The following ERC2 variants were observed in gnomAD, a reference collection of about 807,000 sequenced individuals.
ERC2 encodes ELKS/RAB6-interacting/CAST family member 2.
In ERC2, 42 loss-of-function variants were observed where a neutral mutation model predicts 114.8. The ratio of observed to expected loss-of-function variants is 0.37; its 90% CI spans 0.29 to 0.47. The LOEUF (loss-of-function observed/expected upper bound fraction) is 0.47, where lower values mean the gene tolerates loss of function less well. Ranked by LOEUF, ERC2 falls within the 20% of genes least tolerant of loss-of-function variation. ERC2 has a pLI of 0.99. For synonymous variants in ERC2, 454 were observed against 425.5 expected (o/e 1.07, Z -0.82); for missense variants, 939 against 1,150.7 (o/e 0.82, Z 2.66).
intron 10 of ERC2, among the ~76,000 whole-genome samples, chr3:56,001,006 T>C (rs2072008795): frequency 6.8e-6 from 1 of 147,250 alleles, no homozygotes; most frequent in Non-Finnish European, 1.5e-5. Context: ...TAGTTCATTA[T>C]ATGAGAAAAT....
intron 3 of ERC2, among the ~76,000 whole-genome samples, chr3:56,263,325 A>G (rs2053070463): frequency 2.6e-5 from 4 of 151,828 alleles, no homozygotes; most frequent in Admixed American, 2.0e-4. Flanking sequence ...AGAGCTTAGC[A>G]GTCTACTTAA....
At chr3:55,820,191 G>T (rs566955058) in intron 14 of ERC2, among the ~76,000 whole-genome samples, 2 of 152,178 alleles carry the variant, frequency 1.3e-5, no homozygotes, top group Admixed American at 6.5e-5. Flanking sequence ...AGTTCCTTCT[G>T]GTTCTTCACA....
intron 17 of ERC2, among the ~76,000 whole-genome samples, chr3:55,563,226 G>A (rs1214356697): frequency 1.3e-5 from 2 of 151,998 alleles, no homozygotes; most frequent in East Asian, 3.9e-4. Flanking sequence ...TTTCTTAGCA[G>A]TAAGTAAGGT....
chr3:56,082,366 T>C (rs2077280318), intron 6 of ERC2, among the ~76,000 whole-genome samples: 1 of 152,128 alleles, frequency 6.6e-6, no homozygotes, highest in African/African-American at 2.4e-5. Flanking sequence ...TTGATTGATC[T>C]CTCATCAGAC....
At chr3:56,103,997 T>A (rs1243068464) in intron 6 of ERC2, among the ~76,000 whole-genome samples, 1 of 152,194 alleles carries the variant, frequency 6.6e-6, no homozygotes, top group Non-Finnish European at 1.5e-5. Context: ...CAATGCACTG[T>A]AAACAACCAG....
intron 4 of ERC2, among the ~76,000 whole-genome samples, chr3:56,154,026 G>T (rs887366639): frequency 6.6e-6 from 1 of 152,094 alleles, no homozygotes; most frequent in Non-Finnish European, 1.5e-5. Flanking sequence ...AATAAAATTT[G>T]AAACTGTTAT....
intron 13 of ERC2, among the ~76,000 whole-genome samples, chr3:55,946,359 C>T (rs150902042): frequency 6.6e-6 from 1 of 152,106 alleles, no homozygotes; most frequent in Non-Finnish European, 1.5e-5. Context: ...CTCCTTATTG[C>T]CCAAAATGTT....
intron 14 of ERC2, among the ~76,000 whole-genome samples, chr3:55,813,351 C>T (rs1415198309): frequency 2.6e-5 from 4 of 152,156 alleles, no homozygotes; most frequent in Non-Finnish European, 4.4e-5. Context: ...TCAGAGGCCA[C>T]GTGGAGCAAG....
At chr3:56,362,492 TG>T (rs1443973256) in intron 2 of ERC2, among the ~76,000 whole-genome samples, 1 of 152,088 alleles carries the variant, frequency 6.6e-6, no homozygotes, top group Non-Finnish European at 1.5e-5. Flanking sequence ...AAACCCATGT[TG>T]GGGAAGGAAA....
At chr3:56,447,780 C>A (rs181909519) in intron 1 of ERC2, among the ~76,000 whole-genome samples, 294 of 151,656 alleles carry the variant, frequency 1.9e-3, no homozygotes, top group African/African-American at 6.8e-3. Context: ...TCTCGCTCTG[C>A]CACCCAGGCT....
At chr3:56,097,320 A>G (rs564900761) in intron 6 of ERC2, among the ~76,000 whole-genome samples, 118 of 152,304 alleles carry the variant, frequency 7.7e-4, no homozygotes, top group African/African-American at 2.6e-3. Context: ...AAAAAATTAG[A>G]GTCAACCTAC....
intron 14 of ERC2, among the ~76,000 whole-genome samples, chr3:55,799,871 T>G (rs1037487115): frequency 6.6e-6 from 1 of 151,994 alleles, no homozygotes; most frequent in East Asian, 1.9e-4. Flanking sequence ...ACAGTCAGAG[T>G]AGGGGTCACC....
chr3:55,798,675 C>T (rs545932864), intron 14 of ERC2, among the ~76,000 whole-genome samples: 1 of 151,280 alleles, frequency 6.6e-6, no homozygotes, highest in East Asian at 1.9e-4. Flanking sequence ...AAGTTTTCCA[C>T]AGCAACAGTG....
At chr3:55,662,615 A>G (rs2061185095) in intron 17 of ERC2, among the ~76,000 whole-genome samples, 1 of 152,170 alleles carries the variant, frequency 6.6e-6, no homozygotes, top group Non-Finnish European at 1.5e-5. Flanking sequence ...AGAGTGAAGG[A>G]GACATTCAGG....
At chr3:55,714,760 G>C (rs1177564092) in intron 15 of ERC2, among the ~76,000 whole-genome samples, 2 of 140,700 alleles carry the variant, frequency 1.4e-5, no homozygotes, top group Non-Finnish European at 3.1e-5. Flanking sequence ...ATTATTGCTG[G>C]GTATTTGGAT....
chr3:56,226,863 CAAT>C (rs1172327818), intron 3 of ERC2, among the ~76,000 whole-genome samples: 1 of 152,164 alleles, frequency 6.6e-6, no homozygotes, highest in African/African-American at 2.4e-5. Flanking sequence ...CCTTCTTCTC[CAAT>C]AATGTTTTAA....
chr3:56,264,857 T>C (rs537615593), intron 3 of ERC2, among the ~76,000 whole-genome samples: 3 of 147,142 alleles, frequency 2.0e-5, no homozygotes, highest in South Asian at 2.1e-4. Flanking sequence ...AATGATCCGA[T>C]TTACAATTTC....
At chr3:55,782,754 T>C (rs1044469616) in intron 14 of ERC2, among the ~76,000 whole-genome samples, 1 of 152,158 alleles carries the variant, frequency 6.6e-6, no homozygotes, top group Non-Finnish European at 1.5e-5. Context: ...CTCTGTAAGC[T>C]TCCCCCTCTC....
intron 15 of ERC2, among the ~76,000 whole-genome samples, chr3:55,721,252 G>A (rs180758704): frequency 6.8e-4 from 104 of 152,298 alleles, no homozygotes; most frequent in African/African-American, 2.3e-3. Context: ...GCATAATGAT[G>A]GTACTGCCTC....
Sources: allele counts gnomAD v4.1 joint callset (sites outside exome capture counted in the v4.1 genomes callset), GRCh38; gene constraint gnomAD v4.1.1; transcripts MANE v1.5; gene names NCBI Gene and HGNC (gene_info 2026-07-23, HGNC 2026-07-21).